The following TPCN1 variants were observed in gnomAD, a reference collection of about 807,000 sequenced individuals.
TPCN1 encodes the protein two pore channel protein 1.
In TPCN1, 52 loss-of-function variants were observed where a neutral mutation model predicts 108.8. That is an observed-to-expected ratio of 0.48 (90% CI 0.38 to 0.60). The LOEUF (loss-of-function observed/expected upper bound fraction) is 0.60. Ranked by LOEUF, TPCN1 falls within the 20% of genes least tolerant of loss-of-function variation. The pLI is 0.00. For synonymous variants in TPCN1, 446 were observed against 433.7 expected, an observed-to-expected ratio of 1.03 and a Z score of -0.35; for missense variants, 806 against 1,072.8, an observed-to-expected ratio of 0.75 and a Z score of 3.47.
chr12:113,279,317 ATGTG>A lies in TPCN1; in HGVS notation c.1297+500_1297+503del, dbSNP rs139888878. Among the ~76,000 whole-genome samples, 140 of 111,434 alleles carry A rather than the reference ATGTG, an allele frequency of 1.3e-3. 2 individuals are homozygous for A. Among genetic ancestry groups the A allele is most frequent in the Middle Eastern group, 5.1e-3 (1 of 196 alleles). 73.1% of individuals were successfully genotyped at this position (111,434 alleles called of 152,430 possible). On this transcript the variant is annotated intron_variant, in intron 14 of 27. Coordinates refer to ENST00000335509, the MANE Select transcript of TPCN1 (RefSeq NM_017901.6). ...CATATGTGTGTGTGTGTATATATAT[ATGTG>A]TGTGTGTGTGTGTGTGTATATATAT...
intron 19 of TPCN1, chr12:113,287,498 C>G: frequency 5.7e-6 from 1 of 176,594 alleles, no homozygotes; most frequent in Non-Finnish European, 1.2e-5. Flanking sequence ...GTGGGTCCCA[C>G]TGGTTTCCCA....
chr12:113,238,524 A>G (rs1463262165), intron 2 of TPCN1, among the ~76,000 whole-genome samples: 1 of 152,116 alleles, frequency 6.6e-6, no homozygotes, highest in Admixed American at 6.5e-5. Flanking sequence ...CATTCTTGCT[A>G]TCTCTTGCTA....
At position 113,260,511 on chromosome 12, in the gene TPCN1, G is replaced by A. The variant is rs373718996; in HGVS notation, c.237+19G>A. On this transcript the variant is annotated intron_variant, in intron 3 of 27. Coordinates refer to ENST00000335509, the MANE Select transcript of TPCN1 (RefSeq NM_017901.6). ...CCTCCAGGTGAGTATCTCCAGTCAGGCCCTGGCAGTTGTCTGCACCTGTTG... is the reference window on the plus strand; with the variant it reads ...CCTCCAGGTGAGTATCTCCAGTCAGACCCTGGCAGTTGTCTGCACCTGTTG... 6 of 1,564,000 alleles carry A rather than the reference G, an allele frequency of 3.8e-6. No homozygotes were observed. The African/African-American group carries it at 7.0e-5, about 18-fold the overall frequency.
At chr12:113,244,244 G>C in intron 2 of TPCN1, 1 of 946,130 alleles carries the variant, frequency 1.1e-6, no homozygotes, top group Non-Finnish European at 1.3e-6. Flanking sequence ...GTACTGCCCC[G>C]TTGAGCCTTT....
Position 113,268,573 on chromosome 12 carries a change from T to C in TPCN1, c.529-169T>C, listed in dbSNP as rs924876151. Among the ~76,000 whole-genome samples the C allele has an allele frequency of 1.3e-5, 2 of 152,154 alleles. No homozygotes were observed. Among genetic ancestry groups the C allele is most frequent in the Admixed American group, 1.3e-4 (2 of 15,270 alleles). On this transcript the variant is annotated intron_variant, in intron 5 of 27. Transcript: ENST00000335509. This position sits in a 1 kb window ranked among gnomAD's most constrained non-coding sequence, Gnocchi z 7.3. ...ACACCTGTGCCAGCACCTGGAGTTT[T>C]TTTTCTTCTGGGGCTGCCTGATGTT...
chr12:113,286,290 C>A (rs532471735), intron 18 of TPCN1, among the ~76,000 whole-genome samples: 2 of 152,226 alleles, frequency 1.3e-5, no homozygotes, highest in African/African-American at 4.8e-5. Context: ...AATGCTCCCC[C>A]CCTTCCTTGA....
chr12:113,292,156 C>T, intron 25 of TPCN1, 198 bp downstream of exon 25: 3 of 578,740 alleles, frequency 5.2e-6, no homozygotes, highest in Non-Finnish European at 9.3e-6. Flanking sequence ...AAAACGTAAT[C>T]TAACTTTAAA....
At chr12:113,291,405 C>A (rs61943640) in intron 23 of TPCN1, 32 of 604,958 alleles carry the variant, frequency 5.3e-5, no homozygotes, top group Middle Eastern at 4.4e-4. Context: ...TGGATCCAGT[C>A]GTCCAGGGGA....
At chr12:113,265,108 G>C (rs1218953875) in intron 3 of TPCN1, among the ~76,000 whole-genome samples, 1 of 152,218 alleles carries the variant, frequency 6.6e-6, no homozygotes, top group Non-Finnish European at 1.5e-5. Flanking sequence ...TTACAGGCAT[G>C]AGCCACTGCA....
At position 113,222,954 on chromosome 12, in the gene TPCN1, A is replaced by C. The variant is rs571445508; in HGVS notation, c.-126+1328A>C. Reference sequence around the variant, plus strand: ...CAAAGCTGAGTAATGGATACAAGGAAGTTCACGTATATATTCTCTGCACTT... The same window carrying C: ...CAAAGCTGAGTAATGGATACAAGGACGTTCACGTATATATTCTCTGCACTT... On this transcript the variant is annotated intron_variant, in intron 1 of 27. Coordinates refer to ENST00000335509, the MANE Select transcript of TPCN1 (RefSeq NM_017901.6). 7.9e-5 allele frequency among the ~76,000 whole-genome samples: 12 copies of C among 152,110 alleles called. No homozygotes were observed. In the South Asian group the frequency reaches 8.4e-4, roughly 11 times the overall value.
intron 1 of TPCN1, among the ~76,000 whole-genome samples, chr12:113,223,296 C>T (rs764744497): frequency 7.2e-5 from 11 of 152,142 alleles, no homozygotes; most frequent in Non-Finnish European, 1.6e-4. Context: ...TCCAATGATT[C>T]GAGGAAGAAG....
Position 113,268,906 on chromosome 12 carries a change from T to TCCTGGCATGGCCTGA in TPCN1, c.659+38_659+52dup, listed in dbSNP as rs1955386775. ...CGGGTGGGGAGCTGGGCAGTCACTA[T>TCCTGGCATGGCCTGA]CCTGGCATGGCCTGACCTCTGGGCC... On this transcript the variant is annotated intron_variant, in intron 6 of 27. Transcript: ENST00000335509. The surrounding 1 kb of genome is among the most constrained non-coding windows in gnomAD (Gnocchi z 7.3). 1 of 1,612,588 alleles carries TCCTGGCATGGCCTGA rather than the reference T, an allele frequency of 6.2e-7. No homozygotes were observed. The highest frequency in any genetic ancestry group is 8.5e-7 in the Non-Finnish European group (1 of 1,179,434).
chr12:113,261,063 G>A (rs1405491050), intron 3 of TPCN1, among the ~76,000 whole-genome samples: 3 of 151,814 alleles, frequency 2.0e-5, no homozygotes, highest in Non-Finnish European at 4.4e-5. Context: ...GCGTTGGTGG[G>A]CGCCTGTAAT....
intron 2 of TPCN1, among the ~76,000 whole-genome samples, chr12:113,257,522 A>G (rs1232981034): frequency 2.0e-5 from 3 of 152,082 alleles, no homozygotes; most frequent in African/African-American, 7.2e-5. Context: ...AAGAGCGAGC[A>G]TATCAACAGT....
chr12:113,279,943 G>A (rs373584730), intron 14 of TPCN1, among the ~76,000 whole-genome samples: 2 of 152,152 alleles, frequency 1.3e-5, no homozygotes, highest in South Asian at 2.1e-4. Context: ...GTGCAGTCTT[G>A]TCTGGGGGTC....
At chr12:113,286,358 C>T (rs1054205094) in intron 18 of TPCN1, among the ~76,000 whole-genome samples, 15 of 128,928 alleles carry the variant, frequency 1.2e-4, no homozygotes, top group African/African-American at 4.2e-4. Context: ...CGTTGGAGGT[C>T]ACTTCCCTGC....
chr12:113,271,171 A>G (rs1175864606), intron 7 of TPCN1, among the ~76,000 whole-genome samples: 1 of 152,088 alleles, frequency 6.6e-6, no homozygotes, highest in Non-Finnish European at 1.5e-5. Context: ...CTGCTACTCA[A>G]GAGGTGAGGC....
chr12:113,291,939 C>G lies in TPCN1; in HGVS notation c.2094C>G (p.Arg698=). The G allele has an allele frequency of 1.9e-6, 3 of 1,614,132 alleles. No individual in the cohort carries two copies. The African/African-American group carries it at 4.0e-5, about 22-fold the overall frequency. ...EAFVFRMNYS[R]KNQDSEVDGG... ...TCGTCTTCCGAATGAACTACAGCCG[C>G]AAGAACCAGGACTCGGAAGGTCTGT... Residue 698 remains arginine, a synonymous_variant, in exon 25 of 28, where the codon CGC becomes CGG. Transcript: ENST00000335509.
intron 2 of TPCN1, among the ~76,000 whole-genome samples, chr12:113,257,047 A>AT (rs1303870331): frequency 1.3e-5 from 2 of 151,980 alleles, no homozygotes; most frequent in East Asian, 1.9e-4. Context: ...TTTAATAATA[A>AT]AAAAAAAGAA....
Sources: allele counts gnomAD v4.1 joint callset (sites outside exome capture counted in the v4.1 genomes callset), GRCh38; gene constraint gnomAD v4.1.1; non-coding constraint Gnocchi (gnomAD v3.1); transcripts MANE v1.5; gene names NCBI Gene and HGNC (gene_info 2026-07-23, HGNC 2026-07-21).